FNDC7: variants seen among roughly 807,000 people sequenced by gnomAD.
The protein encoded by FNDC7 is fibronectin type III domain containing 7.
FNDC7 carries 66 observed loss-of-function variants against 74.2 expected under a neutral mutation model. The ratio of observed to expected loss-of-function variants is 0.89; its 90% confidence interval spans 0.73 to 1.09. The LOEUF is 1.09. Among genes scored for constraint, FNDC7 ranks in the 50% least tolerant of loss-of-function variants. The pLI, the probability that FNDC7 is intolerant of heterozygous loss-of-function variation, is 0.00. For synonymous variants in FNDC7, 307 were observed against 330.2 expected, an observed-to-expected ratio of 0.93 and a Z score of 0.76; for missense variants, 829 against 893.4, an observed-to-expected ratio of 0.93 and a Z score of 0.92.
At chr1:108,735,864 G>A (rs979798495) in intron 10 of FNDC7, among the ~76,000 whole-genome samples, 1 of 152,072 alleles carries the variant, frequency 6.6e-6, no homozygotes. Context: ...AGAGTTCAGT[G>A]GTGCAATCAC....
intron 6 of FNDC7, among the ~76,000 whole-genome samples, chr1:108,726,292 C>T (rs1557789765): frequency 6.6e-6 from 1 of 152,220 alleles, no homozygotes; most frequent in Non-Finnish European, 1.5e-5. Flanking sequence ...AGTGAGTGTT[C>T]TAGCATGTGC....
intron 7 of FNDC7, 106 bp from the exon 8 acceptor site, chr1:108,728,526 T>C (rs1435173664): frequency 4.3e-6 from 6 of 1,380,492 alleles, no homozygotes; most frequent in East Asian, 4.6e-5. Context: ...ATGACGTGGT[T>C]GAAAACTGTG....
chr1:108,723,288 A>G (rs1431196534), intron 5 of FNDC7, among the ~76,000 whole-genome samples: 1 of 152,212 alleles, frequency 6.6e-6, no homozygotes, highest in Non-Finnish European at 1.5e-5. Flanking sequence ...TAATTTTCCT[A>G]AGGGCACACC....
chr1:108,731,854 T>G (rs775631944), intron 9 of FNDC7, among the ~76,000 whole-genome samples: 1 of 152,232 alleles, frequency 6.6e-6, no homozygotes, highest in Non-Finnish European at 1.5e-5. Flanking sequence ...TTATCTTGTA[T>G]TAGATTTACT....
intron 4 of FNDC7, among the ~76,000 whole-genome samples, chr1:108,720,383 T>C (rs969211800): frequency 7.2e-5 from 11 of 152,226 alleles, no homozygotes; most frequent in African/African-American, 2.7e-4. Flanking sequence ...GGCAGAAGGC[T>C]GCCGACACAG....
rs74114814 is a variant in FNDC7 at position 108,719,096 on chromosome 1, T to C, written c.598+47T>C. On this transcript the variant is annotated intron_variant, in intron 4 of 12. Coordinates refer to ENST00000370017, the MANE Select transcript of FNDC7 (RefSeq NM_001144937.3). ...CTCGAACAATTCTACTTTTGATTAA[T>C]GAGGGGGGCTGTGTGTTGCAGCCAT... 5,946 of 1,545,318 alleles carry C rather than the reference T, an allele frequency of 3.8e-3. 167 individuals are homozygous for C. The African/African-American group carries it at 0.064, about 17-fold the overall frequency.
chr1:108,736,570 C>G (rs1661519734), intron 10 of FNDC7, among the ~76,000 whole-genome samples: 2 of 152,160 alleles, frequency 1.3e-5, no homozygotes, highest in South Asian at 4.1e-4. Context: ...GTCTTTTGTT[C>G]TTTCTCCTGC....
At position 108,733,492 on chromosome 1, in the gene FNDC7, A is replaced by G; in HGVS notation, c.2100A>G (p.Thr700=). 4 of 1,614,042 alleles carry G rather than the reference A, an allele frequency of 2.5e-6. No individual in the cohort carries two copies. The East Asian group carries it at 8.9e-5, about 36-fold the overall frequency. ...YTVMVSPVAK[T]GLKLTFCPKK... ...TGATGGTCTCACCAGTTGCTAAAAC[A>G]GGATTGAAGCTTACTTTCTGTCCAA... The change falls in exon 10 of 13, where the codon ACA becomes ACG. Residue 700 remains threonine, a synonymous_variant. Transcript: ENST00000370017.
At chr1:108,726,841 A>G (rs917400310) in intron 6 of FNDC7, among the ~76,000 whole-genome samples, 1 of 152,210 alleles carries the variant, frequency 6.6e-6, no homozygotes, top group Non-Finnish European at 1.5e-5. Context: ...TGAGGGATCT[A>G]AATCATTGGT....
At chr1:108,739,141 A>T (rs1402137563) in intron 11 of FNDC7, among the ~76,000 whole-genome samples, 1 of 152,224 alleles carries the variant, frequency 6.6e-6, no homozygotes, top group Admixed American at 6.5e-5. Flanking sequence ...AAAATGTAAA[A>T]AAAAAAATTT....
chr1:108,713,042 G>A (rs1660905436), intron 1 of FNDC7, 46 bp downstream of exon 1: 10 of 1,473,586 alleles, frequency 6.8e-6, no homozygotes, highest in South Asian at 5.1e-5. Context: ...GGGGAAAAAA[G>A]AAAGACACAT....
intron 11 of FNDC7, among the ~76,000 whole-genome samples, chr1:108,741,128 G>T (rs1003225710): frequency 6.6e-6 from 1 of 152,188 alleles, no homozygotes; most frequent in African/African-American, 2.4e-5. Flanking sequence ...GCTTCTGATG[G>T]ATGCTAAAGT....
chr1:108,733,053 C>T (rs1661427299), intron 9 of FNDC7, among the ~76,000 whole-genome samples: 1 of 151,548 alleles, frequency 6.6e-6, no homozygotes, highest in Admixed American at 6.6e-5. Context: ...AGATTATAGG[C>T]ATAAGCCATC....
Position 108,727,925 on chromosome 1 carries a change from A to T in FNDC7, c.1229A>T (p.Asn410Ile). The T allele has an allele frequency of 1.2e-6, 2 of 1,614,164 alleles. No individual in the cohort carries two copies. The highest frequency in any genetic ancestry group is 1.7e-6 in the Non-Finnish European group (2 of 1,180,020). Residue 410 changes from asparagine (N) to isoleucine (I), a missense_variant, in exon 7 of 13, where the codon AAC becomes ATC. Asn to Ile is a moderately radical substitution (Grantham distance 149). Transcript: ENST00000370017. ...LYETKAVDGY[N>I]MVECNDTTPA... The stretch of plus-strand genomic sequence containing the variant: ...GAAACCAAGGCTGTAGATGGGTACA[A>T]CATGGTTGAGTGCAATGACACTACT...
At chr1:108,713,626 GAA>G (rs993584376) in intron 2 of FNDC7, 97 bp downstream of exon 2, 3 of 1,105,394 alleles carry the variant, frequency 2.7e-6, no homozygotes, top group African/African-American at 3.2e-5. Context: ...GGCTATATGA[GAA>G]AAAAAAATTC....
intron 11 of FNDC7, 38 bp from the exon 12 acceptor site, chr1:108,741,735 A>G (rs376972420): frequency 7.0e-5 from 112 of 1,605,182 alleles, no homozygotes; most frequent in Non-Finnish European, 1.1e-5. Context: ...TGCATATTGA[A>G]TGCATCTTTT....
At chr1:108,732,935 A>ATTT (rs370493264) in intron 9 of FNDC7, among the ~76,000 whole-genome samples, 2 of 134,870 alleles carry the variant, frequency 1.5e-5, no homozygotes, top group East Asian at 2.1e-4. Context: ...CAACTGGCTA[A>ATTT]TTTTTTTTTT....
rs759652767 is a variant in FNDC7 at position 108,722,370 on chromosome 1, G to A, written c.634G>A (p.Asp212Asn). ...CCCTGCCAACATTCAAGTCTCTTTC[G>A]ATAGTGGAGCTCTGAAGGCATCTTT... Reference protein sequence around the residue: ...RAPANIQVSFDSGALKASFSW... With the variant: ...RAPANIQVSFNSGALKASFSW... The change falls in exon 5 of 13, where the codon GAT becomes AAT. Residue 212 changes from aspartate (D) to asparagine (N), a missense_variant. Coordinates refer to ENST00000370017, the MANE Select transcript of FNDC7 (RefSeq NM_001144937.3). 3.1e-6 allele frequency: 5 copies of A among 1,613,562 alleles called. No individual in the cohort carries two copies. Among genetic ancestry groups the A allele is most frequent in the Non-Finnish European group, 4.2e-6 (5 of 1,179,770 alleles).
chr1:108,716,735 C>G (rs1431118146), intron 2 of FNDC7, among the ~76,000 whole-genome samples: 2 of 151,890 alleles, frequency 1.3e-5, no homozygotes, highest in Non-Finnish European at 2.9e-5. Context: ...TGGAGAATCA[C>G]CTGTCTGTCT....
Sources: gnomAD v4.1 joint callset for allele counts (sites outside exome capture counted in the v4.1 genomes callset) on GRCh38, gnomAD v4.1.1 for gene constraint, MANE v1.5 for transcripts, NCBI Gene and HGNC (gene_info 2026-07-23, HGNC 2026-07-21) for gene names.